Variants in RARB observed in about 807,000 individuals in gnomAD.
RARB encodes the protein retinoic acid receptor beta, also known as HBV-activated protein.
In RARB, 17 loss-of-function variants were observed where a neutral mutation model predicts 51.9. The ratio of observed to expected loss-of-function variants is 0.33; its 90% CI spans 0.22 to 0.49. RARB has a LOEUF of 0.49. Among genes scored for constraint, RARB ranks in the 20% least tolerant of loss-of-function variants. The pLI is 0.99. For synonymous variants in RARB, 215 were observed against 195.4 expected (o/e 1.10, Z -0.84); for missense variants, 369 against 550.8 (o/e 0.67, Z 3.30).
At chr3:25,157,350 T>TGTG (rs1700392801) in intron 4 of RARB, among the ~76,000 whole-genome samples, 4 of 145,090 alleles carry the variant, frequency 2.8e-5, no homozygotes, top group Middle Eastern at 3.5e-3. Flanking sequence ...GTGTGTGTGT[T>TGTG]TGTGTGTGTG....
chr3:25,525,286 G>A (rs142593466), intron 3 of RARB, among the ~76,000 whole-genome samples: 1 of 152,206 alleles, frequency 6.6e-6, no homozygotes, highest in Non-Finnish European at 1.5e-5. Context: ...CAGAATGAAA[G>A]TGTGGTGTCA....
chr3:25,177,188 G>A lies in RARB; in HGVS notation c.178+2613G>A, dbSNP rs142996122. Among the ~76,000 whole-genome samples, 120 of 152,344 alleles carry A rather than the reference G, an allele frequency of 7.9e-4. 1 individual carries two copies. In the East Asian group the frequency reaches 0.021, roughly 27 times the overall value. ...GATTAAAAGAAGCCACAATGAATAT[G>A]ACTCTGTTAGTTGGCCCTCAAAGAA... On this transcript the variant is annotated intron_variant, in intron 5 of 11. Coordinates refer to the RARB transcript ENST00000383772.
At chr3:25,566,069 C>A (rs979331067) in intron 3 of RARB, among the ~76,000 whole-genome samples, 1 of 152,178 alleles carries the variant, frequency 6.6e-6, no homozygotes, top group Non-Finnish European at 1.5e-5. Context: ...GACCAATAGT[C>A]CCAAGAACTT....
At chr3:25,158,598 G>A (rs964892773) in intron 4 of RARB, among the ~76,000 whole-genome samples, 16 of 152,124 alleles carry the variant, frequency 1.1e-4, no homozygotes, top group African/African-American at 3.6e-4. Context: ...AGAAAGTCTA[G>A]TCAATAGGGG....
At chr3:25,439,752 TCTAC>T in intron 1 of RARB, among the ~76,000 whole-genome samples, 1 of 152,352 alleles carries the variant, frequency 6.6e-6, no homozygotes, top group Middle Eastern at 3.4e-3. Flanking sequence ...TATACCGTAT[TCTAC>T]CTGTTTCTTT....
At chr3:25,157,912 C>CAAACACACGAG (rs11276564) in intron 4 of RARB, among the ~76,000 whole-genome samples, 1 of 151,468 alleles carries the variant, frequency 6.6e-6, no homozygotes. Context: ...AACTTTAAAT[C>CAAACACACGAG]AACTGATGCA....
intron 2 of RARB, among the ~76,000 whole-genome samples, chr3:24,972,615 C>A: frequency 6.6e-6 from 1 of 151,916 alleles, no homozygotes; most frequent in Non-Finnish European, 1.5e-5. Context: ...AGCAGTGGTA[C>A]AAGGGTTCCC....
At chr3:25,370,074 T>A (rs1274414523) in intron 5 of RARB, among the ~76,000 whole-genome samples, 1 of 151,830 alleles carries the variant, frequency 6.6e-6, no homozygotes, top group African/African-American at 2.4e-5. Flanking sequence ...ACAGAGAGAG[T>A]GTGTCATGTA....
intron 5 of RARB, among the ~76,000 whole-genome samples, chr3:25,178,626 TC>T (rs1487684924): frequency 1.3e-5 from 2 of 152,080 alleles, no homozygotes; most frequent in Non-Finnish European, 2.9e-5. Context: ...ACATCTTTTT[TC>T]CACGATGTTC....
intron 4 of RARB, among the ~76,000 whole-genome samples, chr3:25,156,738 T>C (rs1434074860): frequency 6.6e-6 from 1 of 152,166 alleles, no homozygotes; most frequent in African/African-American, 2.4e-5. Context: ...GGCTGTATTT[T>C]GGCCCAGAGG....
chr3:25,012,795 G>C (rs529140308), intron 2 of RARB, among the ~76,000 whole-genome samples: 30 of 152,178 alleles, frequency 2.0e-4, no homozygotes, highest in African/African-American at 6.7e-4. Flanking sequence ...GAAATAATTT[G>C]ATTATTGTTT....
At chr3:25,175,196 G>A (rs1450286757) in intron 5 of RARB, among the ~76,000 whole-genome samples, 1 of 152,194 alleles carries the variant, frequency 6.6e-6, no homozygotes, top group Non-Finnish European at 1.5e-5. Context: ...CTCCAAGACT[G>A]ATATGACTTC....
chr3:25,074,532 T>C (rs752720313), intron 3 of RARB, among the ~76,000 whole-genome samples: 2 of 152,196 alleles, frequency 1.3e-5, no homozygotes, highest in African/African-American at 4.8e-5. Flanking sequence ...TACATAGTTA[T>C]CTTTGACCCT....
At chr3:25,390,924 T>G (rs1321294192) in intron 5 of RARB, among the ~76,000 whole-genome samples, 1 of 152,172 alleles carries the variant, frequency 6.6e-6, no homozygotes, top group African/African-American at 2.4e-5. Flanking sequence ...CAATAGGTTT[T>G]GGGGGAACAG....
rs1429017840 is a variant in RARB at position 25,597,687 on chromosome 3, A to AAT, written c.*1072_*1073dup. The AAT allele has an allele frequency of 2.0e-5, 3 of 152,624 alleles. No individual in the cohort carries two copies. Among genetic ancestry groups the AAT allele is most frequent in the Admixed American group, 6.5e-5 (1 of 15,278 alleles). 9.5% of individuals were successfully genotyped at this position (152,624 alleles called of 1,614,324 possible). ...GAATCTGCCTCCTTTGACCTTGTTC[A>AAT]ATCACTATGAAGCAGAGTGAAAGCT... On this transcript the variant is annotated 3_prime_UTR_variant, in exon 8 of 8. Coordinates refer to ENST00000330688, the MANE Select transcript of RARB (RefSeq NM_000965.5).
chr3:25,563,349 A>G (rs1225621305), intron 3 of RARB, among the ~76,000 whole-genome samples: 1 of 152,232 alleles, frequency 6.6e-6, no homozygotes, highest in Non-Finnish European at 1.5e-5. Context: ...CTGGTCCAAA[A>G]GGCACATGTC....
At chr3:25,462,746 G>A (rs1033972751) in intron 2 of RARB, among the ~76,000 whole-genome samples, 1 of 152,222 alleles carries the variant, frequency 6.6e-6, no homozygotes, top group Admixed American at 6.5e-5. Context: ...AGGTTAGCTA[G>A]TTGGCTCTGC....
At chr3:25,428,980 G>A in intron 1 of RARB, 92 bp downstream of exon 1, 1 of 1,385,778 alleles carries the variant, frequency 7.2e-7, no homozygotes, top group Admixed American at 2.4e-5. Context: ...TGCATTGGTA[G>A]CAAGACAAAG....
At chr3:24,873,664 C>CT (rs572135575) in intron 2 of RARB, among the ~76,000 whole-genome samples, 66 of 145,990 alleles carry the variant, frequency 4.5e-4, no homozygotes, top group Admixed American at 6.2e-4. Flanking sequence ...TCAGTCTTCC[C>CT]TTTTTTTTTT....
Sources: allele counts gnomAD v4.1 joint callset (sites outside exome capture counted in the v4.1 genomes callset), GRCh38; gene constraint gnomAD v4.1.1; transcripts MANE v1.5; gene names NCBI Gene and HGNC (gene_info 2026-07-23, HGNC 2026-07-21).